The following ELMO1 variants were observed in gnomAD, a reference collection of about 807,000 sequenced individuals.
ELMO1 encodes engulfment and cell motility 1, also known as engulfment and cell motility protein 1.
Under a neutral mutation model 98.9 loss-of-function variants are expected in ELMO1, and 26 were observed. The ratio of observed to expected loss-of-function variants is 0.26; its 90% CI spans 0.19 to 0.36. The LOEUF (loss-of-function observed/expected upper bound fraction) is 0.36. Ranked by LOEUF, ELMO1 falls within the 10% of genes least tolerant of loss-of-function variation. The pLI is 1.00. For synonymous variants in ELMO1, 346 were observed against 346.0 expected, an observed-to-expected ratio of 1.00 and a Z score of 0.00; for missense variants, 627 against 935.2, an observed-to-expected ratio of 0.67 and a Z score of 4.30.
intron 15 of ELMO1, among the ~76,000 whole-genome samples, chr7:37,087,657 G>A (rs115664070): frequency 0.012 from 1,861 of 152,190 alleles, 32 homozygotes; most frequent in African/African-American, 0.041. Flanking sequence ...GCCAAATTCA[G>A]TGTCCACTGC....
intron 16 of ELMO1, among the ~76,000 whole-genome samples, chr7:36,909,310 A>G (rs1282915914): frequency 6.6e-6 from 1 of 152,212 alleles, no homozygotes; most frequent in Non-Finnish European, 1.5e-5. Flanking sequence ...TACTTCTGTT[A>G]TTATTGTGAT....
At chr7:37,366,695 C>G (rs1349912965) in intron 1 of ELMO1, among the ~76,000 whole-genome samples, 3 of 152,196 alleles carry the variant, frequency 2.0e-5, no homozygotes, top group Non-Finnish European at 2.9e-5. Context: ...TCTGTAATCT[C>G]CCCCCTGTAG....
At chr7:37,418,971 G>A (rs181096907) in intron 1 of ELMO1, among the ~76,000 whole-genome samples, 1 of 152,168 alleles carries the variant, frequency 6.6e-6, no homozygotes, top group East Asian at 1.9e-4. Flanking sequence ...AGCACCCAGC[G>A]TGATTGAGAT....
chr7:37,095,632 C>G (rs1205925377), intron 15 of ELMO1, among the ~76,000 whole-genome samples: 1 of 152,154 alleles, frequency 6.6e-6, no homozygotes, highest in Non-Finnish European at 1.5e-5. Flanking sequence ...AGTATTTTTC[C>G]TTACTAAGTA....
intron 14 of ELMO1, among the ~76,000 whole-genome samples, chr7:37,130,537 C>T (rs552063732): frequency 6.6e-6 from 1 of 152,216 alleles, no homozygotes; most frequent in South Asian, 2.1e-4. Context: ...GCAAGGCCAA[C>T]GAGACAAAGG....
chr7:37,070,040 A>G (rs1471291289), intron 15 of ELMO1, among the ~76,000 whole-genome samples: 1 of 152,176 alleles, frequency 6.6e-6, no homozygotes, highest in Non-Finnish European at 1.5e-5. Context: ...ATTCAAATGA[A>G]ACTTAAGCTG....
intron 5 of ELMO1, among the ~76,000 whole-genome samples, chr7:37,264,100 G>T (rs183620880): frequency 6.6e-5 from 10 of 152,262 alleles, no homozygotes; most frequent in South Asian, 4.1e-4. Flanking sequence ...TCCTCACGAG[G>T]CAATATTAAG....
rs536110155 is a variant in ELMO1, at chr7:37,208,107, A to C, written c.1086+3279T>G. Reference sequence around the variant, plus strand: ...GCCACTTTTACCTTGGAAAACTTAAAAGGCTGCAGATGATTTCTATGATGT... The same window carrying C: ...GCCACTTTTACCTTGGAAAACTTAACAGGCTGCAGATGATTTCTATGATGT... On this transcript the variant is annotated intron_variant, in intron 13 of 21. Coordinates refer to ENST00000310758, the MANE Select transcript of ELMO1 (RefSeq NM_014800.11). 3.3e-5 allele frequency among the ~76,000 whole-genome samples: 5 copies of C among 152,332 alleles called. No homozygotes were observed. In the East Asian group the frequency reaches 9.6e-4, roughly 29 times the overall value.
chr7:37,109,668 C>T (rs1288580464), intron 14 of ELMO1, among the ~76,000 whole-genome samples: 2 of 152,006 alleles, frequency 1.3e-5, no homozygotes, highest in Non-Finnish European at 2.9e-5. Context: ...GTGATGACGC[C>T]CCCTAATAGG....
intron 16 of ELMO1, among the ~76,000 whole-genome samples, chr7:36,909,515 A>G (rs1784198877): frequency 6.6e-6 from 1 of 152,366 alleles, no homozygotes; most frequent in East Asian, 1.9e-4. Context: ...AGATTTTAGG[A>G]GCAAAAGGGG....
intron 1 of ELMO1, among the ~76,000 whole-genome samples, chr7:37,369,586 T>A (rs751389191): frequency 3.3e-5 from 5 of 149,412 alleles, no homozygotes; most frequent in African/African-American, 4.9e-5. Context: ...AAAACAGACA[T>A]CTCAGAAAAT....
At chr7:37,271,939 G>A (rs1796579986) in intron 4 of ELMO1, 57 bp from the exon 5 acceptor site, 12 of 1,473,124 alleles carry the variant, frequency 8.1e-6, no homozygotes, top group Admixed American at 3.5e-5. Flanking sequence ...GTAAAGAAGA[G>A]AACAAAGGCA....
intron 15 of ELMO1, among the ~76,000 whole-genome samples, chr7:37,083,797 T>C (rs1783610980): frequency 1.3e-5 from 2 of 152,192 alleles, no homozygotes; most frequent in Admixed American, 1.3e-4. Flanking sequence ...AGCCACCATC[T>C]GAAGGGACCT....
chr7:37,303,622 GA>G (rs751299980), intron 4 of ELMO1, among the ~76,000 whole-genome samples: 43 of 152,236 alleles, frequency 2.8e-4, no homozygotes, highest in Admixed American at 1.3e-3. Context: ...GTTTTGTTTG[GA>G]AAAAGTGTTC....
At chr7:37,388,350 T>C (rs902095942) in intron 1 of ELMO1, among the ~76,000 whole-genome samples, 4 of 151,624 alleles carry the variant, frequency 2.6e-5, no homozygotes, top group Non-Finnish European at 4.4e-5. Flanking sequence ...ACCAAAATAC[T>C]GCATTTTTTT....
At position 37,315,931 on chromosome 7, in the gene ELMO1, T is replaced by A. The variant is rs1289681067; in HGVS notation, c.108A>T (p.Glu36Asp). Residue 36 changes from glutamate (E) to aspartate (D), a missense_variant, in exon 3 of 22, where the codon GAA (glutamate) becomes GAT (aspartate). Physicochemically the swap from Glu to Asp is conservative, Grantham distance 45. This residue lies in a region of ELMO1 where 123 missense variants were observed against 171.2 expected (regional missense o/e 0.72). Transcript: ENST00000310758. ...QKKPLSAIIK[E>D]VCDGWSLANH... is the part of the protein sequence containing the mutation. ...TGAGTAACACTTACCCATCACAGAC[T>A]TCCTTTATTATTGCAGACAGTGGTT... 2 of 1,603,394 alleles carry A rather than the reference T, an allele frequency of 1.2e-6. No individual in the cohort carries two copies. Among genetic ancestry groups the A allele is most frequent in the African/African-American group, 2.7e-5 (2 of 74,476 alleles).
At chr7:37,242,153 C>T (rs1007313285) in intron 7 of ELMO1, among the ~76,000 whole-genome samples, 3 of 152,146 alleles carry the variant, frequency 2.0e-5, no homozygotes, top group Admixed American at 2.0e-4. Flanking sequence ...GTCAAGTACT[C>T]ATTATTCATT....
intron 6 of ELMO1, among the ~76,000 whole-genome samples, chr7:37,255,580 T>TGA (rs1554283375): frequency 6.6e-6 from 1 of 152,214 alleles, no homozygotes; most frequent in Non-Finnish European, 1.5e-5. Context: ...CAGGCCCCTG[T>TGA]TCAGAATGCA....
At chr7:37,079,870 A>G (rs186379433) in intron 15 of ELMO1, among the ~76,000 whole-genome samples, 93 of 152,302 alleles carry the variant, frequency 6.1e-4, no homozygotes, top group African/African-American at 2.2e-3. Flanking sequence ...TCAGTCTCAT[A>G]GCTTTAACTA....
Sources: allele counts gnomAD v4.1 joint callset (sites outside exome capture counted in the v4.1 genomes callset), GRCh38; gene constraint gnomAD v4.1.1; regional missense constraint gnomAD v4.1.1; transcripts MANE v1.5; gene names NCBI Gene and HGNC (gene_info 2026-07-23, HGNC 2026-07-21).